XRCC6: variants seen among roughly 807,000 people sequenced by gnomAD.
XRCC6 encodes the protein DNA repair protein Ku70.
Under a neutral mutation model 65.7 loss-of-function variants are expected in XRCC6, and 5 were observed. The ratio of observed to expected loss-of-function variants is 0.08; its 90% CI spans 0.04 to 0.16. The LOEUF (loss-of-function observed/expected upper bound fraction) is 0.16. XRCC6 is among the 10% of genes least tolerant of loss of function. The pLI is 1.00. For synonymous variants in XRCC6, 270 were observed against 270.6 expected, an observed-to-expected ratio of 1.00 and a Z score of 0.02; for missense variants, 447 against 738.1, an observed-to-expected ratio of 0.61 and a Z score of 4.57.
At chr22:41,637,281 C>T (rs1428753829) in intron 5 of XRCC6, among the ~76,000 whole-genome samples, 2 of 151,994 alleles carry the variant, frequency 1.3e-5, no homozygotes, top group East Asian at 1.9e-4. Flanking sequence ...ATGGGGGTTT[C>T]ACCACGTTGA....
chr22:41,629,286 A>G (rs537762315), intron 3 of XRCC6, among the ~76,000 whole-genome samples: 4 of 152,328 alleles, frequency 2.6e-5, no homozygotes, highest in Non-Finnish European at 4.4e-5. Context: ...CACATTCACA[A>G]TGTTATGCAG....
At chr22:41,660,942 G>T (rs2068093566) in intron 11 of XRCC6, among the ~76,000 whole-genome samples, 1 of 151,838 alleles carries the variant, frequency 6.6e-6, no homozygotes, top group South Asian at 2.1e-4. Flanking sequence ...GCTGAGGCAG[G>T]AGAATCGCTT....
chr22:41,632,159 G>A (rs1569082910), intron 3 of XRCC6, among the ~76,000 whole-genome samples: 1 of 151,248 alleles, frequency 6.6e-6, no homozygotes. Flanking sequence ...GGGAGACCGT[G>A]GGGAGAGGGA....
At position 41,640,356 on chromosome 22, in the gene XRCC6, A is replaced by G. The variant is rs2067862891; in HGVS notation, c.773+2565A>G. 2.6e-5 allele frequency among the ~76,000 whole-genome samples: 4 copies of G among 151,986 alleles called. 1 individual carries two copies. The South Asian group carries it at 8.3e-4, about 32-fold the overall frequency. ...AGTAGAGACGGGGTTTCACCGTGTT[A>G]GCTAGGATGGTCTTGATCTCCTGAC... On this transcript the variant is annotated intron_variant, in intron 6 of 12. Transcript: ENST00000360079.
In XRCC6 at chr22:41,646,886, A is replaced by C. The variant is rs1326134819; in HGVS notation, c.774-10A>C. Reference sequence around the variant, plus strand: ...TTCAGTTCATGCTCTTTCATTTTTTACTCCCTCAGGTTAAAGCTGAAGCTC... The same window carrying C: ...TTCAGTTCATGCTCTTTCATTTTTTCCTCCCTCAGGTTAAAGCTGAAGCTC... On this transcript the variant is annotated splice_polypyrimidine_tract_variant and intron_variant, in intron 6 of 12. Coordinates refer to ENST00000360079, the MANE Select transcript of XRCC6 (RefSeq NM_001469.5). 2 of 1,571,396 alleles carry C rather than the reference A, an allele frequency of 1.3e-6. No individual in the cohort carries two copies. The highest frequency in any genetic ancestry group is 2.3e-5 in the East Asian group (1 of 44,436).
intron 6 of XRCC6, among the ~76,000 whole-genome samples, chr22:41,643,654 C>G (rs1316510606): frequency 6.6e-6 from 1 of 151,958 alleles, no homozygotes; most frequent in Non-Finnish European, 1.5e-5. Context: ...AGCACCGTCT[C>G]TACTAAAAAT....
intron 11 of XRCC6, among the ~76,000 whole-genome samples, chr22:41,660,754 C>T (rs2068092113): frequency 6.6e-6 from 1 of 152,152 alleles, no homozygotes; most frequent in African/African-American, 2.4e-5. Flanking sequence ...TGCCCAACTC[C>T]ACTGCATCGT....
At chr22:41,623,138 T>G (rs1601522780) in intron 2 of XRCC6, among the ~76,000 whole-genome samples, 2 of 150,992 alleles carry the variant, frequency 1.3e-5, no homozygotes, top group Non-Finnish European at 3.0e-5. Flanking sequence ...AGTGCAGTGG[T>G]GAGATCATCG....
chr22:41,628,562 G>C (rs1158215456), intron 3 of XRCC6, among the ~76,000 whole-genome samples: 1 of 152,190 alleles, frequency 6.6e-6, no homozygotes, highest in African/African-American at 2.4e-5. Flanking sequence ...AGTTCCCACA[G>C]TTATAGTGTG....
chr22:41,651,646 G>T (rs756924923), intron 8 of XRCC6, among the ~76,000 whole-genome samples: 36 of 151,186 alleles, frequency 2.4e-4, no homozygotes, highest in Non-Finnish European at 5.0e-4. Context: ...TCCTTCCTCA[G>T]CCTCTGGAGT....
rs1404192004 is a variant in XRCC6, at chr22:41,661,238, C to T, written c.1523-93C>T. ...CCCCTCCCACCTTAGCAGTTAGGTG[C>T]TCTCTCTTCTGGTTCTCAGAGAGTT... On this transcript the variant is annotated intron_variant, in intron 11 of 12. Transcript: ENST00000360079. 7 of 1,055,744 alleles carry T rather than the reference C, an allele frequency of 6.6e-6. No homozygotes were observed. The African/African-American group carries it at 1.1e-4, about 17-fold the overall frequency. 65.4% of individuals were successfully genotyped at this position (1,055,744 alleles called of 1,614,324 possible). A position where few individuals can be genotyped will look rare whatever the true frequency, so the allele number is the denominator to read the frequency against.
intron 9 of XRCC6, among the ~76,000 whole-genome samples, chr22:41,655,656 G>A (rs1463748988): frequency 6.6e-6 from 1 of 150,638 alleles, no homozygotes; most frequent in East Asian, 2.0e-4. Context: ...CTGAGATTGC[G>A]CCACTGCACT....
intron 3 of XRCC6, among the ~76,000 whole-genome samples, chr22:41,634,633 C>T (rs2147080422): frequency 6.6e-6 from 1 of 152,014 alleles, no homozygotes; most frequent in South Asian, 2.1e-4. Flanking sequence ...CAACCTCCAC[C>T]TCTTGGGTTC....
chr22:41,653,687 C>T lies in XRCC6; in HGVS notation c.1288C>T (p.Pro430Ser), dbSNP rs1168219605. 2.5e-6 allele frequency: 4 copies of T among 1,613,640 alleles called. No homozygotes were observed. The highest frequency in any genetic ancestry group is 3.4e-6 in the Non-Finnish European group (4 of 1,179,618). ...TGACCAGAAAATTCAGGTGACTCCT[C>T]CAGGTATGTGGCAGAGATATTTCCA... ...LDDQKIQVTP[P>S]GFQLVFLPFA... is the part of the protein sequence containing the mutation. Residue 430 changes from proline (P) to serine (S), a missense_variant, in exon 9 of 13, where the codon CCA (proline) becomes TCA (serine). Coordinates refer to ENST00000360079, the MANE Select transcript of XRCC6 (RefSeq NM_001469.5).
At chr22:41,643,785 C>T (rs1300408591) in intron 6 of XRCC6, among the ~76,000 whole-genome samples, 1 of 150,606 alleles carries the variant, frequency 6.6e-6, no homozygotes, top group East Asian at 2.0e-4. Flanking sequence ...TGCGCCACTG[C>T]ACTCCACCCT....
chr22:41,655,569 G>A (rs2068037241), intron 9 of XRCC6, among the ~76,000 whole-genome samples: 1 of 152,020 alleles, frequency 6.6e-6, no homozygotes, highest in African/African-American at 2.4e-5. Flanking sequence ...AGGTGTGGTG[G>A]CAGGCTCCTG....
intron 10 of XRCC6, among the ~76,000 whole-genome samples, chr22:41,657,979 A>G (rs2147115366): frequency 6.6e-6 from 1 of 152,156 alleles, no homozygotes; most frequent in South Asian, 2.1e-4. Flanking sequence ...GTGCACCAAC[A>G]TGCCTGGCTG....
At chr22:41,632,398 G>A (rs2067765232) in intron 3 of XRCC6, among the ~76,000 whole-genome samples, 1 of 151,022 alleles carries the variant, frequency 6.6e-6, no homozygotes, top group Admixed American at 6.6e-5. Context: ...ATCACTTGAG[G>A]TCAGGAGTTC....
intron 11 of XRCC6, among the ~76,000 whole-genome samples, chr22:41,660,129 C>T (rs2068086101): frequency 6.6e-6 from 1 of 152,224 alleles, no homozygotes; most frequent in Non-Finnish European, 1.5e-5. Flanking sequence ...GGTACACCAG[C>T]AAGAGCTCCC....
Sources: allele counts gnomAD v4.1 joint callset (sites outside exome capture counted in the v4.1 genomes callset), GRCh38; gene constraint gnomAD v4.1.1; transcripts MANE v1.5; gene names NCBI Gene and HGNC (gene_info 2026-07-23, HGNC 2026-07-21).